The following PBX3 variants were observed in gnomAD, a reference collection of about 807,000 sequenced individuals.
PBX3 encodes the protein pre-B-cell leukemia transcription factor 3.
PBX3 carries 14 observed loss-of-function variants against 48.5 expected under a neutral mutation model. That is an observed-to-expected ratio of 0.29 (90% CI 0.19 to 0.45). The LOEUF (loss-of-function observed/expected upper bound fraction) is 0.45. Ranked by LOEUF, PBX3 falls within the 20% of genes least tolerant of loss-of-function variation. The pLI is 1.00. For missense variants in PBX3, 386 were observed against 546.7 expected, an observed-to-expected ratio of 0.71 and a Z score of 2.93; for synonymous variants, 210 against 200.3, an observed-to-expected ratio of 1.05 and a Z score of -0.41.
At chr9:125,927,181 C>T (rs556757275) in intron 3 of PBX3, among the ~76,000 whole-genome samples, 24 of 152,180 alleles carry the variant, frequency 1.6e-4, no homozygotes, top group Non-Finnish European at 2.8e-4. Flanking sequence ...ACATAACTCT[C>T]ACTCTTGAAT....
chr9:125,853,646 C>T (rs1473905803), intron 2 of PBX3, among the ~76,000 whole-genome samples: 3 of 152,086 alleles, frequency 2.0e-5, no homozygotes, highest in South Asian at 2.1e-4. Context: ...TTTAATGATA[C>T]GAAATTTCAA....
chr9:125,941,671 AG>A (rs1841961259), intron 5 of PBX3, among the ~76,000 whole-genome samples: 1 of 152,224 alleles, frequency 6.6e-6, no homozygotes, highest in Non-Finnish European at 1.5e-5. Context: ...AGTAAGCAAA[AG>A]GGAGTTCCTC....
chr9:125,793,965 T>G (rs755529793), intron 2 of PBX3, among the ~76,000 whole-genome samples: 17 of 152,334 alleles, frequency 1.1e-4, no homozygotes, highest in Non-Finnish European at 2.4e-4. Flanking sequence ...TGTTATAAAC[T>G]TCTGTGTACC....
chr9:125,785,252 C>T (rs1743109157), intron 2 of PBX3, among the ~76,000 whole-genome samples: 1 of 152,116 alleles, frequency 6.6e-6, no homozygotes, highest in South Asian at 2.1e-4. Flanking sequence ...CTGGGTGTGT[C>T]TGTGAGGGTG....
intron 5 of PBX3, among the ~76,000 whole-genome samples, chr9:125,940,223 A>G (rs1841930554): frequency 6.6e-6 from 1 of 152,056 alleles, no homozygotes; most frequent in South Asian, 2.1e-4. Flanking sequence ...ATGAGATGGG[A>G]TCAAGAAGGA....
chr9:125,895,747 G>A (rs1289752425), intron 2 of PBX3, among the ~76,000 whole-genome samples: 1 of 151,996 alleles, frequency 6.6e-6, no homozygotes, highest in African/African-American at 2.4e-5. Context: ...TCATCATACA[G>A]CAGTAAGAAG....
chr9:125,901,746 AAAC>A (rs954528075), intron 2 of PBX3, among the ~76,000 whole-genome samples: 8 of 151,658 alleles, frequency 5.3e-5, no homozygotes, highest in East Asian at 1.9e-4. Context: ...CAACAACAAC[AAAC>A]AACAACAGCA....
intron 2 of PBX3, among the ~76,000 whole-genome samples, chr9:125,908,236 A>C (rs1433591339): frequency 6.6e-6 from 1 of 152,052 alleles, no homozygotes; most frequent in Non-Finnish European, 1.5e-5. Flanking sequence ...TCTTCCAGAA[A>C]ATAGAGCAGT....
chr9:125,769,277 A>T (rs979291577), intron 2 of PBX3, among the ~76,000 whole-genome samples: 4 of 152,192 alleles, frequency 2.6e-5, no homozygotes, highest in African/African-American at 9.6e-5. Flanking sequence ...TGCTTTGTGC[A>T]CCATCAGTAT....
chr9:125,889,380 C>T (rs914724357), intron 2 of PBX3, among the ~76,000 whole-genome samples: 1 of 152,244 alleles, frequency 6.6e-6, no homozygotes, highest in African/African-American at 2.4e-5. Context: ...TCGCCCCTTT[C>T]CTCCGGTCCC....
At chr9:125,804,447 G>A (rs1838059317) in intron 2 of PBX3, among the ~76,000 whole-genome samples, 1 of 152,116 alleles carries the variant, frequency 6.6e-6, no homozygotes, top group Non-Finnish European at 1.5e-5. Context: ...ATCGTAGTGT[G>A]CTGTACAAAA....
intron 8 of PBX3, among the ~76,000 whole-genome samples, chr9:125,964,302 G>A (rs573859704): frequency 2.9e-4 from 44 of 152,290 alleles, no homozygotes; most frequent in Non-Finnish European, 4.4e-4. Flanking sequence ...TATAAATTTG[G>A]ATAAAAGAGG....
intron 5 of PBX3, among the ~76,000 whole-genome samples, chr9:125,941,145 C>T (rs1841951211): frequency 6.6e-6 from 1 of 152,138 alleles, no homozygotes; most frequent in Admixed American, 6.6e-5. Context: ...AAGAAAGCCC[C>T]TCCTGAGGAA....
intron 2 of PBX3, among the ~76,000 whole-genome samples, chr9:125,874,822 G>A (rs1282747421): frequency 2.6e-5 from 4 of 152,074 alleles, no homozygotes; most frequent in African/African-American, 9.7e-5. Context: ...TAAACTTGGA[G>A]CTCTTCTCTT....
At position 125,965,851 on chromosome 9, in the gene PBX3, C is replaced by T. The variant is rs769012950; in HGVS notation, c.1233C>T (p.Asp411=). The T allele has an allele frequency of 9.8e-5, 158 of 1,613,878 alleles. No individual in the cohort carries two copies. Among genetic ancestry groups the T allele is most frequent in the Middle Eastern group, 3.3e-4 (2 of 6,080 alleles). Reference sequence around the variant, plus strand: ...TTCAGGCTAATGGAGGCTGGCAGGACGCAACAACTCCATCTTCTGTGACTT... The same window carrying T: ...TTCAGGCTAATGGAGGCTGGCAGGATGCAACAACTCCATCTTCTGTGACTT... ...HNLNANGGWQ[D]ATTPSSVTSP... is the part of the protein sequence containing the mutation. The change falls in exon 9 of 9, where the codon GAC becomes GAT. Residue 411 remains aspartate (D), a synonymous_variant. Coordinates refer to ENST00000373489, the MANE Select transcript of PBX3 (RefSeq NM_006195.6).
intron 5 of PBX3, among the ~76,000 whole-genome samples, chr9:125,943,439 G>T (rs1842005406): frequency 6.9e-6 from 1 of 144,560 alleles, no homozygotes; most frequent in African/African-American, 2.5e-5. Flanking sequence ...TAGGGTTTTT[G>T]AGTTTCCCTA....
chr9:125,955,458 A>C (rs111768352), intron 5 of PBX3, among the ~76,000 whole-genome samples: 6,661 of 152,222 alleles, frequency 0.044, 197 homozygotes, highest in Middle Eastern at 0.068. Flanking sequence ...TGTCACTATA[A>C]AAAGGGGGTT....
intron 2 of PBX3, among the ~76,000 whole-genome samples, chr9:125,898,291 G>C (rs1431970130): frequency 6.6e-6 from 1 of 151,652 alleles, no homozygotes; most frequent in Non-Finnish European, 1.5e-5. Flanking sequence ...TGATAAAAGA[G>C]CAAACTTTTC....
At chr9:125,787,363 G>A (rs1325049064) in intron 2 of PBX3, among the ~76,000 whole-genome samples, 2 of 152,110 alleles carry the variant, frequency 1.3e-5, no homozygotes. Context: ...CAGTAAGTTG[G>A]GCTGTGATGA....
Sources: gnomAD v4.1 joint callset for allele counts (sites outside exome capture counted in the v4.1 genomes callset) on GRCh38, gnomAD v4.1.1 for gene constraint, MANE v1.5 for transcripts, NCBI Gene and HGNC (gene_info 2026-07-23, HGNC 2026-07-21) for gene names.